KCNH5: variants seen among roughly 807,000 people sequenced by gnomAD.
The protein encoded by KCNH5 is potassium voltage-gated channel subfamily H member 5.
A neutral mutation model predicts 96.1 loss-of-function variants in KCNH5; 46 were observed. The ratio of observed to expected loss-of-function variants is 0.48; its 90% CI spans 0.38 to 0.61. The LOEUF (loss-of-function observed/expected upper bound fraction) is 0.61. Ranked by LOEUF, KCNH5 falls within the 20% of genes least tolerant of loss-of-function variation. The probability of loss-of-function intolerance (pLI) is 0.00; values close to 1 mark genes in which losing one functional copy is unlikely to be tolerated. For synonymous variants in KCNH5, 439 were observed against 449.8 expected, an observed-to-expected ratio of 0.98 and a Z score of 0.30; for missense variants, 907 against 1,225.8, an observed-to-expected ratio of 0.74 and a Z score of 3.88.
chr14:62,817,271 T>TACAC (rs1371784550), intron 8 of KCNH5, among the ~76,000 whole-genome samples: 2 of 129,678 alleles, frequency 1.5e-5, no homozygotes, highest in Non-Finnish European at 1.6e-5. Context: ...AATATATATA[T>TACAC]ATACACACAC....
intron 10 of KCNH5, among the ~76,000 whole-genome samples, chr14:62,734,580 C>T (rs1253310827): frequency 2.6e-5 from 4 of 152,122 alleles, no homozygotes; most frequent in Non-Finnish European, 5.9e-5. Context: ...CCCCTATTTA[C>T]CCAATCCCCA....
chr14:62,722,621 T>A lies in KCNH5; in HGVS notation c.2020-14166A>T, dbSNP rs573452387. 3.9e-5 allele frequency among the ~76,000 whole-genome samples: 6 copies of A among 152,338 alleles called. No individual in the cohort carries two copies. In the South Asian group the frequency reaches 1.2e-3, roughly 32 times the overall value. ...GAATCACTAAAGTTATGACTCCATA[T>A]GCTGGAAGTTTAACATGCAGAAAGT... On this transcript the variant is annotated intron_variant, in intron 10 of 10. Coordinates refer to ENST00000322893, the MANE Select transcript of KCNH5 (RefSeq NM_139318.5).
chr14:62,904,214 G>A (rs367657319), intron 7 of KCNH5, among the ~76,000 whole-genome samples: 8 of 152,094 alleles, frequency 5.3e-5, no homozygotes, highest in East Asian at 1.9e-4. Context: ...AATTATTTAC[G>A]AATTGAAAAT....
At chr14:62,947,673 T>A (rs1451488897) in intron 7 of KCNH5, among the ~76,000 whole-genome samples, 1 of 151,832 alleles carries the variant, frequency 6.6e-6, no homozygotes, top group African/African-American at 2.4e-5. Context: ...AATGTCAAAA[T>A]CTAAGCCTCT....
At chr14:62,941,614 A>G (rs546120765) in intron 7 of KCNH5, among the ~76,000 whole-genome samples, 1 of 152,312 alleles carries the variant, frequency 6.6e-6, no homozygotes, top group East Asian at 1.9e-4. Flanking sequence ...CCAGTTTCCA[A>G]AATAAACATT....
chr14:62,722,179 G>A (rs1884830306), intron 10 of KCNH5, among the ~76,000 whole-genome samples: 2 of 152,182 alleles, frequency 1.3e-5, no homozygotes, highest in Non-Finnish European at 2.9e-5. Flanking sequence ...GGGAATGTAA[G>A]AATACAGCAC....
At chr14:63,002,776 C>G (rs1891034820) in intron 3 of KCNH5, among the ~76,000 whole-genome samples, 1 of 152,166 alleles carries the variant, frequency 6.6e-6, no homozygotes, top group Non-Finnish European at 1.5e-5. Context: ...CTGTGACAAT[C>G]AGGTTTTCTG....
intron 7 of KCNH5, among the ~76,000 whole-genome samples, chr14:62,902,226 A>G (rs57784899): frequency 0.49 from 74,056 of 151,148 alleles, 18,450 homozygotes; most frequent in South Asian, 0.67. Context: ...ATTAGTTCCC[A>G]TGTGTCAATT....
intron 7 of KCNH5, among the ~76,000 whole-genome samples, chr14:62,875,219 A>G (rs1214897184): frequency 6.6e-6 from 1 of 151,050 alleles, no homozygotes; most frequent in East Asian, 2.0e-4. Context: ...AGAACATTCC[A>G]TGCTCATGGG....
At chr14:63,009,617 G>T (rs986330290) in intron 2 of KCNH5, among the ~76,000 whole-genome samples, 1 of 152,138 alleles carries the variant, frequency 6.6e-6, no homozygotes, top group South Asian at 2.1e-4. Flanking sequence ...AGACTATAAA[G>T]AATGTCAGAA....
chr14:62,820,325 C>T (rs1595638239), intron 8 of KCNH5, among the ~76,000 whole-genome samples: 4 of 150,810 alleles, frequency 2.7e-5, no homozygotes, highest in Admixed American at 1.3e-4. Context: ...TTTGTCATTC[C>T]ATTAAGTAAT....
At chr14:63,034,885 T>C (rs1295814529) in intron 1 of KCNH5, among the ~76,000 whole-genome samples, 1 of 152,204 alleles carries the variant, frequency 6.6e-6, no homozygotes, top group Non-Finnish European at 1.5e-5. Context: ...TGTTTCTACT[T>C]TTAATAGTTG....
chr14:62,803,605 T>A (rs1886708653), intron 8 of KCNH5, among the ~76,000 whole-genome samples: 1 of 152,164 alleles, frequency 6.6e-6, no homozygotes, highest in Non-Finnish European at 1.5e-5. Flanking sequence ...GCTGTAGGCA[T>A]CCTTTAAAAG....
rs1457484513 is a variant in KCNH5, at chr14:62,936,003, AAAAC to A, written c.1369+14126_1369+14129del. 7.2e-5 allele frequency among the ~76,000 whole-genome samples: 11 copies of A among 152,332 alleles called. No homozygotes were observed. In the South Asian group the frequency reaches 1.2e-3, roughly 17 times the overall value. On this transcript the variant is annotated intron_variant, in intron 7 of 10. Coordinates refer to ENST00000322893, the MANE Select transcript of KCNH5 (RefSeq NM_139318.5). Reference sequence around the variant, plus strand: ...CAGCAATGCAGTAACATGATCCAGCAAAACAAACAGAGAAGAAATAGCAAGAGAG... The same window carrying A: ...CAGCAATGCAGTAACATGATCCAGCAAAACAGAGAAGAAATAGCAAGAGAG...
intron 10 of KCNH5, among the ~76,000 whole-genome samples, chr14:62,735,975 G>C (rs547873885): frequency 1.3e-5 from 2 of 152,194 alleles, no homozygotes; most frequent in South Asian, 4.1e-4. Flanking sequence ...AGCTAAAAGA[G>C]ACAAGGAAGG....
At chr14:62,724,217 T>C (rs1389551850) in intron 10 of KCNH5, among the ~76,000 whole-genome samples, 1 of 152,212 alleles carries the variant, frequency 6.6e-6, no homozygotes. Context: ...TTGCCGGAGA[T>C]TTGATGTTTA....
chr14:62,993,080 C>T (rs918060911), intron 4 of KCNH5, among the ~76,000 whole-genome samples: 1 of 152,030 alleles, frequency 6.6e-6, no homozygotes, highest in African/African-American at 2.4e-5. Context: ...TCTCCTTTCC[C>T]CAATATATGT....
chr14:63,015,129 G>C (rs1230065667), intron 2 of KCNH5, among the ~76,000 whole-genome samples: 2 of 152,068 alleles, frequency 1.3e-5, no homozygotes, highest in Non-Finnish European at 2.9e-5. Flanking sequence ...GCAAAAATGA[G>C]GATGGCTAGA....
At chr14:62,780,671 TG>T (rs1886191968) in intron 9 of KCNH5, among the ~76,000 whole-genome samples, 1 of 152,218 alleles carries the variant, frequency 6.6e-6, no homozygotes, top group Admixed American at 6.5e-5. Flanking sequence ...CACTACCCAC[TG>T]GTGGCCTGAA....
Sources: gnomAD v4.1 joint callset for allele counts (sites outside exome capture counted in the v4.1 genomes callset) on GRCh38, gnomAD v4.1.1 for gene constraint, MANE v1.5 for transcripts, NCBI Gene and HGNC (gene_info 2026-07-23, HGNC 2026-07-21) for gene names.